Variants in RAB3GAP2 observed in about 807,000 individuals in gnomAD.
RAB3GAP2 encodes the protein RAB3 GTPase activating non-catalytic protein subunit 2, also known as rab3 GTPase-activating protein non-catalytic subunit.
In RAB3GAP2, 87 loss-of-function variants were observed where a neutral mutation model predicts 185.3. The ratio of observed to expected loss-of-function variants is 0.47; its 90% CI spans 0.39 to 0.56. RAB3GAP2 has a LOEUF of 0.56. Ranked by LOEUF, RAB3GAP2 falls within the 20% of genes least tolerant of loss-of-function variation. The pLI is 0.00. For synonymous variants in RAB3GAP2, 554 were observed against 576.1 expected (o/e 0.96, Z 0.55); for missense variants, 1,492 against 1,638.2 (o/e 0.91, Z 1.54).
At chr1:220,257,266 T>C (rs1660048545) in intron 1 of RAB3GAP2, among the ~76,000 whole-genome samples, 1 of 151,566 alleles carries the variant, frequency 6.6e-6, no homozygotes, top group Non-Finnish European at 1.5e-5. Context: ...TAGTCCCAGC[T>C]ACTTGGGAGG....
chr1:220,190,262 A>G (rs979503582), intron 15 of RAB3GAP2, 115 bp downstream of exon 15: 2 of 1,521,878 alleles, frequency 1.3e-6, no homozygotes, highest in African/African-American at 1.4e-5. Context: ...TAAAGATATC[A>G]GTCTAAAGAC....
intron 31 of RAB3GAP2, among the ~76,000 whole-genome samples, chr1:220,154,669 G>C (rs1657824206): frequency 6.6e-6 from 1 of 150,918 alleles, no homozygotes; most frequent in Admixed American, 6.6e-5. Context: ...CAAGTTTTGG[G>C]ATGATTTACT....
chr1:220,210,281 T>C, intron 7 of RAB3GAP2, 107 bp downstream of exon 7: 1 of 840,414 alleles, frequency 1.2e-6, no homozygotes, highest in Middle Eastern at 2.2e-4. Flanking sequence ...GCTAACTAAC[T>C]GTGCCACAAG....
intron 28 of RAB3GAP2, among the ~76,000 whole-genome samples, chr1:220,160,831 A>C (rs1029026302): frequency 1.3e-5 from 2 of 152,158 alleles, no homozygotes; most frequent in Non-Finnish European, 2.9e-5. Context: ...TTGTCTGTTT[A>C]CCTGGTGTTC....
chr1:220,173,826 C>T (rs1030722315), intron 21 of RAB3GAP2, among the ~76,000 whole-genome samples: 1 of 152,022 alleles, frequency 6.6e-6, no homozygotes, highest in African/African-American at 2.4e-5. Context: ...TGAGACCATC[C>T]TGGCTAACGT....
intron 1 of RAB3GAP2, among the ~76,000 whole-genome samples, chr1:220,249,086 G>A (rs1362069035): frequency 6.6e-6 from 1 of 152,140 alleles, no homozygotes; most frequent in East Asian, 1.9e-4. Flanking sequence ...GCTGCCATAA[G>A]GATACCTGAA....
Position 220,170,944 on chromosome 1 carries a change from C to T in RAB3GAP2, c.2754G>A (p.Gln918=). 1 of 1,614,176 alleles carries T rather than the reference C, an allele frequency of 6.2e-7. No individual in the cohort carries two copies. Residue 918 remains glutamine (Q), a synonymous_variant, in exon 24 of 35, where the codon CAG becomes CAA. Transcript: ENST00000358951. ...CAGAAAGCCTTGGAAGTGGCTCAGC[C>T]TGCAGTGATGACACTTTGGAGGTCT... ...NTQTSKVSSL[Q]AEPLPRLSVK... is the part of the protein sequence containing the mutation.
intron 17 of RAB3GAP2, among the ~76,000 whole-genome samples, chr1:220,187,342 T>C (rs1658525119): frequency 6.6e-6 from 1 of 151,572 alleles, no homozygotes. Flanking sequence ...TGTTCTAACA[T>C]TTGGTCTTTG....
At chr1:220,219,168 A>C (rs1659255445) in intron 2 of RAB3GAP2, among the ~76,000 whole-genome samples, 1 of 152,182 alleles carries the variant, frequency 6.6e-6, no homozygotes, top group Admixed American at 6.5e-5. Context: ...ACAAATTAAG[A>C]AACTGTAGTA....
chr1:220,250,541 T>C (rs867018877), intron 1 of RAB3GAP2, among the ~76,000 whole-genome samples: 1 of 152,338 alleles, frequency 6.6e-6, no homozygotes, highest in Middle Eastern at 3.4e-3. Flanking sequence ...TGGGGGACTG[T>C]TGGAAGGACA....
intron 7 of RAB3GAP2, among the ~76,000 whole-genome samples, chr1:220,209,055 T>C (rs1368377557): frequency 6.6e-6 from 1 of 152,134 alleles, no homozygotes; most frequent in African/African-American, 2.4e-5. Context: ...TCTCTTCCCA[T>C]ACACCATATT....
At chr1:220,235,784 C>G (rs543387275) in intron 1 of RAB3GAP2, among the ~76,000 whole-genome samples, 1 of 152,262 alleles carries the variant, frequency 6.6e-6, no homozygotes, top group African/African-American at 2.4e-5. Context: ...GGATTTCCTA[C>G]CCCTGCAGAG....
intron 20 of RAB3GAP2, 128 bp from the exon 21 acceptor site, chr1:220,182,482 A>G: frequency 1.3e-6 from 2 of 1,504,348 alleles, no homozygotes; most frequent in Non-Finnish European, 1.8e-6. Flanking sequence ...TAATTGTTCA[A>G]TTTGCTTGAT....
intron 1 of RAB3GAP2, chr1:220,254,483 T>G: frequency 2.5e-6 from 4 of 1,613,596 alleles, no homozygotes; most frequent in Non-Finnish European, 3.4e-6. Flanking sequence ...TCTGCAACTT[T>G]GTTTAGTGCC....
intron 2 of RAB3GAP2, among the ~76,000 whole-genome samples, chr1:220,221,490 T>A (rs1266880503): frequency 2.6e-5 from 4 of 152,230 alleles, no homozygotes; most frequent in Admixed American, 2.0e-4. Context: ...TAAATAACAA[T>A]AAAACTTGCT....
rs371491814 is a variant in RAB3GAP2 at position 220,181,984 on chromosome 1, T to A, written c.2310+273A>T. On this transcript the variant is annotated intron_variant, in intron 21 of 34. Coordinates refer to ENST00000358951, the MANE Select transcript of RAB3GAP2 (RefSeq NM_012414.4). Reference sequence around the variant, plus strand: ...AGGAGGTTGGGGCCACAGTGAGCGATGATCACACCACTATACTCCAGCCTG... The same window carrying A: ...AGGAGGTTGGGGCCACAGTGAGCGAAGATCACACCACTATACTCCAGCCTG... Among the ~76,000 whole-genome samples the A allele has an allele frequency of 5.3e-5, 8 of 151,766 alleles. No individual in the cohort carries two copies. The East Asian group carries it at 1.6e-3, about 29-fold the overall frequency.
intron 2 of RAB3GAP2, among the ~76,000 whole-genome samples, chr1:220,226,061 G>GTAA (rs1659396929): frequency 1.3e-5 from 2 of 152,086 alleles, no homozygotes; most frequent in Admixed American, 6.5e-5. Context: ...TAAAACAGAT[G>GTAA]GAGCACATTT....
At chr1:220,194,170 T>C (rs768220440) in intron 12 of RAB3GAP2, among the ~76,000 whole-genome samples, 11 of 152,028 alleles carry the variant, frequency 7.2e-5, no homozygotes, top group Non-Finnish European at 1.3e-4. Flanking sequence ...TGGTGGTACT[T>C]TATATTAGGT....
chr1:220,183,038 T>G, intron 19 of RAB3GAP2, 107 bp from the exon 20 acceptor site: 1 of 816,116 alleles, frequency 1.2e-6, no homozygotes, highest in Non-Finnish European at 2.0e-6. Flanking sequence ...ATTAATATAA[T>G]ACCTATCATG....
Sources: gnomAD v4.1 joint callset for allele counts (sites outside exome capture counted in the v4.1 genomes callset) on GRCh38, gnomAD v4.1.1 for gene constraint, MANE v1.5 for transcripts, NCBI Gene and HGNC (gene_info 2026-07-23, HGNC 2026-07-21) for gene names.